ARK2C: variants seen among roughly 807,000 people sequenced by gnomAD.
ARK2C encodes E3 ubiquitin-protein ligase ARK2C.
the ARK2C span, among the ~76,000 whole-genome samples, chr18:46,378,461 T>C: frequency 9.9e-5 from 15 of 152,246 alleles, no homozygotes; most frequent in South Asian, 2.1e-4. Context: ...GCGTGAGAAG[T>C]GATGGGCTTT....
chr18:46,443,765 A>C, the ARK2C span, among the ~76,000 whole-genome samples: 2 of 152,216 alleles, frequency 1.3e-5, no homozygotes. Flanking sequence ...TCTCTGCTTT[A>C]AACAGTCAAC....
chr18:46,375,160 C>T, the ARK2C span, among the ~76,000 whole-genome samples: 3 of 152,234 alleles, frequency 2.0e-5, no homozygotes, highest in Non-Finnish European at 2.9e-5. Context: ...CCCTCAGAGG[C>T]CCCAGGCTCC....
the ARK2C span, among the ~76,000 whole-genome samples, chr18:46,421,938 A>G: frequency 6.6e-6 from 1 of 152,118 alleles, no homozygotes; most frequent in African/African-American, 2.4e-5. Context: ...TGGGCATATC[A>G]CTTTCTTTCT....
chr18:46,384,711 A>G, the ARK2C span, among the ~76,000 whole-genome samples: 1 of 152,166 alleles, frequency 6.6e-6, no homozygotes, highest in Non-Finnish European at 1.5e-5. Context: ...GCACTCTTGC[A>G]TGAATTAGAA....
the ARK2C span, chr18:46,337,556 T>C: frequency 1.0e-6 from 1 of 985,412 alleles, no homozygotes; most frequent in Non-Finnish European, 1.2e-6. Context: ...GCCCAGCCTT[T>C]TTTTTTGTAT....
chr18:46,443,725 T>C, the ARK2C span, among the ~76,000 whole-genome samples: 1 of 152,218 alleles, frequency 6.6e-6, no homozygotes, highest in Non-Finnish European at 1.5e-5. Flanking sequence ...CAATTACTAT[T>C]TATGATCCTT....
the ARK2C span, chr18:46,456,009 G>A: frequency 1.9e-6 from 3 of 1,613,218 alleles, no homozygotes; most frequent in African/African-American, 4.0e-5. Flanking sequence ...AGAAGGATGA[G>A]GGGGAGGAGT....
At chr18:46,397,561 T>C in the ARK2C span, among the ~76,000 whole-genome samples, 3 of 65,840 alleles carry the variant, frequency 4.6e-5, no homozygotes, top group African/African-American at 7.4e-5. Flanking sequence ...GGTGTGAGGG[T>C]GTGTGTGTGT....
the ARK2C span, among the ~76,000 whole-genome samples, chr18:46,441,986 A>T: frequency 4.7e-3 from 711 of 151,364 alleles, 8 homozygotes; most frequent in African/African-American, 0.016. Flanking sequence ...GACACGGTGA[A>T]ACCCCGTCTC....
chr18:46,398,131 G>A, the ARK2C span, among the ~76,000 whole-genome samples: 1 of 144,344 alleles, frequency 6.9e-6, no homozygotes, highest in African/African-American at 2.6e-5. Context: ...GCTGGGGTGG[G>A]AAGGTGTGTG....
the ARK2C span, chr18:46,334,461 C>T: frequency 3.8e-6 from 3 of 780,790 alleles, no homozygotes; most frequent in Non-Finnish European, 3.6e-6. This position sits in a 1 kb window ranked among gnomAD's most constrained non-coding sequence, Gnocchi z 4.4. Flanking sequence ...CGAGCGGTGG[C>T]TTCCCCCCAC....
At chr18:46,354,197 G>A in the ARK2C span, among the ~76,000 whole-genome samples, 1 of 152,238 alleles carries the variant, frequency 6.6e-6, no homozygotes, top group African/African-American at 2.4e-5. Flanking sequence ...ATGTATGTTA[G>A]CAGAGATGCC....
the ARK2C span, among the ~76,000 whole-genome samples, chr18:46,419,576 G>A: frequency 8.5e-5 from 13 of 152,160 alleles, no homozygotes; most frequent in Non-Finnish European, 1.6e-4. Context: ...TGGAGTGACC[G>A]GGTCAAAGGG....
the ARK2C span, among the ~76,000 whole-genome samples, chr18:46,389,905 T>G: frequency 6.6e-6 from 1 of 152,184 alleles, no homozygotes; most frequent in African/African-American, 2.4e-5. Context: ...AGTTTTGTAT[T>G]TTTTGTAGAG....
chr18:46,350,114 G>A, the ARK2C span, among the ~76,000 whole-genome samples: 1 of 152,160 alleles, frequency 6.6e-6, no homozygotes, highest in Non-Finnish European at 1.5e-5. Context: ...AGAAATACAG[G>A]CTTAAATGTT....
chr18:46,384,312 A>G, the ARK2C span, among the ~76,000 whole-genome samples: 1 of 152,318 alleles, frequency 6.6e-6, no homozygotes, highest in Non-Finnish European at 1.5e-5. Context: ...CGTAGTGTCC[A>G]GTCTTCCCGA....
the ARK2C span, among the ~76,000 whole-genome samples, chr18:46,454,835 AG>A: frequency 6.6e-6 from 1 of 152,190 alleles, no homozygotes; most frequent in South Asian, 2.1e-4. Flanking sequence ...TGAACATGAA[AG>A]GTGGGCTGAT....
chr18:46,399,650 G>T, the ARK2C span, among the ~76,000 whole-genome samples: 1 of 152,150 alleles, frequency 6.6e-6, no homozygotes, highest in African/African-American at 2.4e-5. Flanking sequence ...CTTACTGCTG[G>T]GGCCACCAGC....
the ARK2C span, among the ~76,000 whole-genome samples, chr18:46,369,467 G>A: frequency 1.3e-5 from 2 of 152,170 alleles, no homozygotes; most frequent in East Asian, 1.9e-4. Flanking sequence ...AGCTTCCGGG[G>A]AATGTTGAAG....
Sources: gnomAD v4.1 joint callset for allele counts (sites outside exome capture counted in the v4.1 genomes callset) on GRCh38, gnomAD v4.1.1 for gene constraint, Gnocchi (gnomAD v3.1) non-coding constraint, MANE v1.5 for transcripts, NCBI Gene and HGNC (gene_info 2026-07-23, HGNC 2026-07-21) for gene names.